The following ITGB1BP1 variants were observed in gnomAD, a reference collection of about 807,000 sequenced individuals.
ITGB1BP1 encodes the protein integrin beta-1-binding protein 1.
In ITGB1BP1, 20 loss-of-function variants were observed where a neutral mutation model predicts 28.0. That is an observed-to-expected ratio of 0.71 (90% CI 0.50 to 1.04). The LOEUF is 1.04. Ranked by LOEUF, ITGB1BP1 falls within the 50% of genes least tolerant of loss-of-function variation. The probability of loss-of-function intolerance (pLI) is 0.00; values close to 1 mark genes in which losing one functional copy is unlikely to be tolerated. For synonymous variants in ITGB1BP1, 103 were observed against 89.5 expected, an observed-to-expected ratio of 1.15 and a Z score of -0.85; for missense variants, 228 against 242.5, an observed-to-expected ratio of 0.94 and a Z score of 0.40.
chr2:9,418,762 A>G, intron 1 of ITGB1BP1, 30 bp from the exon 2 acceptor site: 4 of 1,471,566 alleles, frequency 2.7e-6, no homozygotes, highest in South Asian at 2.4e-5. Flanking sequence ...TAACAGTTAC[A>G]TCGGGAAAAG....
chr2:9,421,904 C>T (rs985376990), intron 1 of ITGB1BP1, among the ~76,000 whole-genome samples: 1 of 152,042 alleles, frequency 6.6e-6, no homozygotes, highest in Non-Finnish European at 1.5e-5. Flanking sequence ...GTCCTTCAGG[C>T]CCCACATCCA....
At chr2:9,410,391 T>A (rs1678201219) in intron 4 of ITGB1BP1, among the ~76,000 whole-genome samples, 1 of 151,508 alleles carries the variant, frequency 6.6e-6, no homozygotes, top group Non-Finnish European at 1.5e-5. Flanking sequence ...AACACCACAC[T>A]CAGCTGATTT....
chr2:9,405,717 T>C lies in ITGB1BP1; in HGVS notation c.*1117A>G, dbSNP rs1454422122. The C allele has an allele frequency of 1.3e-5, 2 of 152,320 alleles. No homozygotes were observed. The highest frequency in any genetic ancestry group is 2.9e-5 in the Non-Finnish European group (2 of 68,038). The allele number at this position is 152,320 out of a possible 1,614,324, so 9.4% of individuals were successfully genotyped here. On this transcript the variant is annotated 3_prime_UTR_variant, in exon 7 of 7. Coordinates refer to ENST00000355346, the MANE Select transcript of ITGB1BP1 (RefSeq NM_004763.5). ...TTAATGTTTTTAATCTTTAAAGTTT[T>C]GTATATTGACAGTCCTTTAAAAAAA...
intron 3 of ITGB1BP1, among the ~76,000 whole-genome samples, chr2:9,413,548 T>G (rs1678732994): frequency 6.6e-6 from 1 of 152,116 alleles, no homozygotes; most frequent in Admixed American, 6.5e-5. Context: ...CAGGCTAGTC[T>G]CAAACTCCTG....
intron 3 of ITGB1BP1, among the ~76,000 whole-genome samples, chr2:9,413,610 G>A (rs1678745794): frequency 6.6e-6 from 1 of 152,112 alleles, no homozygotes; most frequent in Non-Finnish European, 1.5e-5. Flanking sequence ...GATTACAGTC[G>A]TGAGCCAACG....
chr2:9,419,592 CT>C (rs1460675760), intron 1 of ITGB1BP1, among the ~76,000 whole-genome samples: 8 of 152,148 alleles, frequency 5.3e-5, no homozygotes, highest in Admixed American at 3.3e-4. Flanking sequence ...TTACATATTT[CT>C]TTTTTTGAAA....
chr2:9,408,209 T>G lies in ITGB1BP1; in HGVS notation c.289-4A>C, dbSNP rs1382878855. 6.5e-7 allele frequency: 1 copy of G among 1,538,818 alleles called. No individual in the cohort carries two copies. The highest frequency in any genetic ancestry group is 9.0e-7 in the Non-Finnish European group (1 of 1,114,146). ...CAAAAGGCAACTTTCCATCTTGCTT[T>G]AAAGTAAAAATAAATTCCATGATAA... On this transcript the variant is annotated splice_region_variant and splice_polypyrimidine_tract_variant and intron_variant, in intron 4 of 6. Transcript: ENST00000355346.
At chr2:9,407,312 G>A (rs1677602083) in intron 6 of ITGB1BP1, 137 bp downstream of exon 6, 3 of 985,898 alleles carry the variant, frequency 3.0e-6, no homozygotes, top group Non-Finnish European at 4.5e-6. Flanking sequence ...CTGACCTCCG[G>A]CCTAATATTC....
Position 9,403,560 on chromosome 2 carries a change from A to T in ITGB1BP1, c.*3274T>A, listed in dbSNP as rs1332917476. On this transcript the variant is annotated 3_prime_UTR_variant, in exon 7 of 7. Transcript: ENST00000355346. ...TTATTAGGAAAAACTGAATTTCCCA[A>T]CAGGTGAACTGAAAAGTTATTTTAA... 3.9e-6 allele frequency: 2 copies of T among 512,760 alleles called. No homozygotes were observed. Among genetic ancestry groups the T allele is most frequent in the Non-Finnish European group, 6.9e-6 (2 of 291,182 alleles). The allele number at this position is 512,760 out of a possible 1,614,324, so 31.8% of individuals were successfully genotyped here.
chr2:9,410,291 G>A (rs1678185501), intron 4 of ITGB1BP1, among the ~76,000 whole-genome samples: 3 of 95,734 alleles, frequency 3.1e-5, no homozygotes, highest in Non-Finnish European at 9.2e-5. Context: ...GAGTGCAGTG[G>A]TACAATGATG....
chr2:9,409,171 C>T (rs916098551), intron 4 of ITGB1BP1, among the ~76,000 whole-genome samples: 5 of 152,228 alleles, frequency 3.3e-5, no homozygotes, highest in African/African-American at 9.6e-5. Flanking sequence ...GCTCCCAGAC[C>T]GGAATACCAC....
intron 2 of ITGB1BP1, among the ~76,000 whole-genome samples, chr2:9,414,679 G>T (rs1230726321): frequency 6.6e-6 from 1 of 152,156 alleles, no homozygotes; most frequent in Admixed American, 6.5e-5. Context: ...AATGAGGAAG[G>T]AGACTGAGAC....
intron 4 of ITGB1BP1, among the ~76,000 whole-genome samples, chr2:9,409,635 A>C (rs1330649872): frequency 6.6e-6 from 1 of 152,134 alleles, no homozygotes; most frequent in East Asian, 1.9e-4. Context: ...GCATATAACA[A>C]AACCATTTTT....
At chr2:9,419,896 G>T in intron 1 of ITGB1BP1, 1 of 210,324 alleles carries the variant, frequency 4.8e-6, no homozygotes, top group Non-Finnish European at 8.2e-6. Context: ...AGGGAACTGT[G>T]ACCTGCCTCT....
Position 9,404,619 on chromosome 2 carries a change from T to G in ITGB1BP1, c.*2215A>C, listed in dbSNP as rs899513113. 2.0e-5 allele frequency: 3 copies of G among 152,522 alleles called. No individual in the cohort carries two copies. The highest frequency in any genetic ancestry group is 6.5e-5 in the Admixed American group (1 of 15,272). The allele number at this position is 152,522 out of a possible 1,614,324, so 9.4% of individuals were successfully genotyped here. A position where few individuals can be genotyped will look rare whatever the true frequency, so the allele number is the denominator to read the frequency against. On this transcript the variant is annotated 3_prime_UTR_variant, in exon 7 of 7. Transcript: ENST00000355346. ...TACCCACTTGGACTTTTAACAAAAG[T>G]AAAGGAATAAATTTGCATATAGGCT...
At chr2:9,422,320 C>T (rs947441263) in intron 1 of ITGB1BP1, among the ~76,000 whole-genome samples, 2 of 152,232 alleles carry the variant, frequency 1.3e-5, no homozygotes, top group African/African-American at 4.8e-5. Context: ...GGACCCAGCT[C>T]CTAATCACCT....
At chr2:9,407,399 G>A (rs749631664) in intron 6 of ITGB1BP1, 50 bp downstream of exon 6, 3 of 1,601,890 alleles carry the variant, frequency 1.9e-6, no homozygotes, top group Non-Finnish European at 2.6e-6. Context: ...GTAGTCCCTG[G>A]GTGTTGCGAC....
In ITGB1BP1 at chr2:9,403,541, G is replaced by A. The variant is rs1676933167; in HGVS notation, c.*3293C>T. 1.4e-5 allele frequency: 7 copies of A among 512,436 alleles called. No individual in the cohort carries two copies. The highest frequency in any genetic ancestry group is 2.1e-5 in the Non-Finnish European group (6 of 292,206). 31.7% of individuals were successfully genotyped at this position (512,436 alleles called of 1,614,324 possible). On this transcript the variant is annotated 3_prime_UTR_variant, in exon 7 of 7. Coordinates refer to ENST00000355346, the MANE Select transcript of ITGB1BP1 (RefSeq NM_004763.5). Reference sequence around the variant, plus strand: ...ATGAAACATTGCTATGCATTTATTAGGAAAAACTGAATTTCCCAACAGGTG... The same window carrying A: ...ATGAAACATTGCTATGCATTTATTAAGAAAAACTGAATTTCCCAACAGGTG...
chr2:9,412,277 C>T lies in ITGB1BP1; in HGVS notation c.280G>A (p.Val94Ile), dbSNP rs764588492. Residue 94 changes from valine to isoleucine, a missense_variant, in exon 4 of 7, where the codon GTT (valine) becomes ATT (isoleucine). Physicochemically the swap from Val to Ile is conservative, Grantham distance 29 (BLOSUM62 3). This residue lies in a region of ITGB1BP1 where 192 missense variants were observed against 181.6 expected (regional missense o/e 1.06). Coordinates refer to ENST00000355346, the MANE Select transcript of ITGB1BP1 (RefSeq NM_004763.5). ...GPLDLINYID[V>I]AQQDGKLPFV... Reference sequence around the variant, plus strand: ...GAATTTTTTTTTTTTACCTGGGCAACGTCTATATAATTTATCAGGTCTAAT... The same window carrying T: ...GAATTTTTTTTTTTTACCTGGGCAATGTCTATATAATTTATCAGGTCTAAT... The T allele has an allele frequency of 8.1e-6, 13 of 1,606,506 alleles. 1 individual carries two copies. The South Asian group carries it at 1.1e-4, about 14-fold the overall frequency.
Sources: allele counts gnomAD v4.1 joint callset (sites outside exome capture counted in the v4.1 genomes callset), GRCh38; gene constraint gnomAD v4.1.1; regional missense constraint gnomAD v4.1.1; transcripts MANE v1.5; gene names NCBI Gene and HGNC (gene_info 2026-07-23, HGNC 2026-07-21).